The following NMNAT2 variants were observed in gnomAD, a reference collection of about 807,000 sequenced individuals.
The protein encoded by NMNAT2 is nicotinamide nucleotide adenylyltransferase 2.
Under a neutral mutation model 41.6 loss-of-function variants are expected in NMNAT2, and 11 were observed. The observed-to-expected ratio is 0.26, with a 90% confidence interval of 0.17 to 0.44. The LOEUF (loss-of-function observed/expected upper bound fraction) is 0.44. Among genes scored for constraint, NMNAT2 ranks in the 20% least tolerant of loss-of-function variants. The pLI is 1.00. For missense variants in NMNAT2, 288 were observed against 407.7 expected (o/e 0.71, Z 2.53); for synonymous variants, 148 against 151.2 (o/e 0.98, Z 0.16).
chr1:183,267,791 A>G (rs1660857223), intron 8 of NMNAT2, among the ~76,000 whole-genome samples: 4 of 151,984 alleles, frequency 2.6e-5, no homozygotes, highest in Non-Finnish European at 5.9e-5. Context: ...TTGGGGGTGG[A>G]GAGGTGGGGT....
At chr1:183,253,102 G>A (rs1194872821) in intron 10 of NMNAT2, among the ~76,000 whole-genome samples, 1 of 151,830 alleles carries the variant, frequency 6.6e-6, no homozygotes, top group African/African-American at 2.4e-5. Flanking sequence ...CACACAGTGG[G>A]CATCTAATGT....
intron 1 of NMNAT2, among the ~76,000 whole-genome samples, chr1:183,368,536 G>T (rs1189054690): frequency 6.6e-6 from 1 of 152,198 alleles, no homozygotes; most frequent in African/African-American, 2.4e-5. Context: ...ATCTGAAGGA[G>T]CTCAACCGCT....
chr1:183,353,820 T>C (rs1663119413), intron 1 of NMNAT2, among the ~76,000 whole-genome samples: 1 of 152,114 alleles, frequency 6.6e-6, no homozygotes, highest in Non-Finnish European at 1.5e-5. Context: ...GAACATCCTG[T>C]TCCTGTCCCT....
intron 1 of NMNAT2, among the ~76,000 whole-genome samples, chr1:183,317,446 G>T (rs10911304): frequency 0.45 from 67,960 of 151,666 alleles, 16,101 homozygotes; most frequent in East Asian, 0.76. Context: ...TATTTTTTGT[G>T]TGTGTGGAGA....
intron 1 of NMNAT2, among the ~76,000 whole-genome samples, chr1:183,382,612 A>G (rs1262440827): frequency 1.3e-5 from 2 of 152,216 alleles, no homozygotes; most frequent in East Asian, 3.9e-4. Flanking sequence ...GCATTGGGTA[A>G]ATACATCCAT....
chr1:183,400,007 A>C (rs897605017), intron 1 of NMNAT2, among the ~76,000 whole-genome samples: 24 of 152,142 alleles, frequency 1.6e-4, no homozygotes, highest in Non-Finnish European at 3.1e-4. Context: ...TGGCACAAGA[A>C]AGGGATGCCC....
At chr1:183,282,141 TC>T (rs1236451250) in intron 7 of NMNAT2, among the ~76,000 whole-genome samples, 1 of 152,160 alleles carries the variant, frequency 6.6e-6, no homozygotes, top group Admixed American at 6.5e-5. Context: ...ACCTAAGTGT[TC>T]TCCATTCTCT....
intron 1 of NMNAT2, among the ~76,000 whole-genome samples, chr1:183,413,801 G>A (rs993051724): frequency 6.6e-6 from 1 of 151,950 alleles, no homozygotes; most frequent in Non-Finnish European, 1.5e-5. Flanking sequence ...TAGAGATGGG[G>A]TTTCACCGTG....
At position 183,286,711 on chromosome 1, in the gene NMNAT2, G is replaced by T. The variant is rs199503132; in HGVS notation, c.399C>A (p.Thr133=). Residue 133 remains threonine (T), a synonymous_variant, in exon 5 of 11, where the codon ACC becomes ACA. Coordinates refer to ENST00000287713, the MANE Select transcript of NMNAT2 (RefSeq NM_015039.4). ...TPVIGQPQNE[T]PQPIYQNSNV... ...TGCTGTTCTGGTAAATGGGCTGGGG[G>T]GTCTCGTTTTGTGGCTGTCCGATCA... The T allele has an allele frequency of 6.2e-7, 1 of 1,612,360 alleles. No individual in the cohort carries two copies. The highest frequency in any genetic ancestry group is 8.5e-7 in the Non-Finnish European group (1 of 1,179,370).
intron 10 of NMNAT2, among the ~76,000 whole-genome samples, chr1:183,253,424 G>T (rs1320612935): frequency 1.3e-4 from 19 of 151,322 alleles, no homozygotes; most frequent in Admixed American, 1.3e-3. Context: ...ATATGTATTT[G>T]TTCTTCTTGT....
At chr1:183,385,221 T>C (rs1311271651) in intron 1 of NMNAT2, among the ~76,000 whole-genome samples, 3 of 151,548 alleles carry the variant, frequency 2.0e-5, no homozygotes, top group African/African-American at 7.3e-5. Flanking sequence ...CAACAAAATA[T>C]GGAATAGATG....
At chr1:183,319,911 A>G (rs999298192) in intron 1 of NMNAT2, among the ~76,000 whole-genome samples, 1 of 152,136 alleles carries the variant, frequency 6.6e-6, no homozygotes, top group African/African-American at 2.4e-5. Context: ...GACTTATCTC[A>G]TTATGGTAGG....
At chr1:183,307,706 G>T (rs572475999) in intron 1 of NMNAT2, among the ~76,000 whole-genome samples, 1 of 152,304 alleles carries the variant, frequency 6.6e-6, no homozygotes, top group East Asian at 1.9e-4. Context: ...GCCTCCCAAA[G>T]TGCTGAGATT....
intron 1 of NMNAT2, among the ~76,000 whole-genome samples, chr1:183,301,521 A>G (rs1661852347): frequency 6.6e-6 from 1 of 152,236 alleles, no homozygotes; most frequent in Non-Finnish European, 1.5e-5. Flanking sequence ...AAATTACTCT[A>G]ACATTAGACA....
intron 1 of NMNAT2, among the ~76,000 whole-genome samples, chr1:183,335,989 CTGTG>C (rs1302171826): frequency 6.6e-6 from 1 of 152,186 alleles, no homozygotes; most frequent in African/African-American, 2.4e-5. Context: ...TATCTGAACT[CTGTG>C]AAACTCATTT....
At chr1:183,319,595 C>G (rs1394469055) in intron 1 of NMNAT2, among the ~76,000 whole-genome samples, 1 of 152,186 alleles carries the variant, frequency 6.6e-6, no homozygotes, top group Admixed American at 6.5e-5. Context: ...GTGACAGTGC[C>G]ATCCTTGGTT....
At chr1:183,274,405 G>A (rs143756066) in intron 8 of NMNAT2, among the ~76,000 whole-genome samples, 3,094 of 152,002 alleles carry the variant, frequency 0.02, 117 homozygotes, top group African/African-American at 0.069. Flanking sequence ...TCTGCCTCCC[G>A]GGTTCAAGCG....
At chr1:183,299,132 G>A (rs12076462) in intron 1 of NMNAT2, among the ~76,000 whole-genome samples, 16,114 of 152,244 alleles carry the variant, frequency 0.11, 946 homozygotes, top group Middle Eastern at 0.14. Context: ...AGCACTTTGG[G>A]AGGCAGAGGT....
chr1:183,314,326 C>T (rs1028937038), intron 1 of NMNAT2, among the ~76,000 whole-genome samples: 3 of 152,216 alleles, frequency 2.0e-5, no homozygotes, highest in African/African-American at 7.2e-5. Flanking sequence ...TTGGTAACCC[C>T]TGCCAACCCT....
Sources: gnomAD v4.1 joint callset for allele counts (sites outside exome capture counted in the v4.1 genomes callset) on GRCh38, gnomAD v4.1.1 for gene constraint, MANE v1.5 for transcripts, NCBI Gene and HGNC (gene_info 2026-07-23, HGNC 2026-07-21) for gene names.